The following NCKAP5 variants were observed in gnomAD, a reference collection of about 807,000 sequenced individuals.
NCKAP5 encodes the protein NCK associated protein 5.
In NCKAP5, 92 loss-of-function variants were observed where a neutral mutation model predicts 167.0. The observed-to-expected ratio is 0.55, with a 90% CI of 0.47 to 0.66. The LOEUF (loss-of-function observed/expected upper bound fraction) is 0.66. NCKAP5 is among the 30% of genes least tolerant of loss of function. The pLI is 0.00. For missense variants in NCKAP5, 2,378 were observed against 2,315.0 expected, an observed-to-expected ratio of 1.03 and a Z score of -0.56; for synonymous variants, 891 against 877.4, an observed-to-expected ratio of 1.02 and a Z score of -0.27.
At chr2:133,241,956 A>G (rs1385409665) in intron 4 of NCKAP5, among the ~76,000 whole-genome samples, 6 of 151,974 alleles carry the variant, frequency 3.9e-5, no homozygotes, top group Non-Finnish European at 8.8e-5. Context: ...CATCTCTACT[A>G]AAAATACAAA....
chr2:132,920,759 A>ATG (rs1695316166), intron 8 of NCKAP5, among the ~76,000 whole-genome samples: 1 of 77,642 alleles, frequency 1.3e-5, no homozygotes, highest in African/African-American at 7.8e-5. Flanking sequence ...ATATATATGT[A>ATG]TATATATGTA....
At chr2:133,267,649 G>A (rs892660393) in intron 4 of NCKAP5, among the ~76,000 whole-genome samples, 6 of 151,614 alleles carry the variant, frequency 4.0e-5, no homozygotes, top group South Asian at 2.1e-4. Context: ...TAAAAGATTC[G>A]CATATTTTTT....
At chr2:133,153,331 G>A (rs1453502821) in intron 5 of NCKAP5, among the ~76,000 whole-genome samples, 6 of 152,080 alleles carry the variant, frequency 3.9e-5, no homozygotes, top group African/African-American at 1.4e-4. Flanking sequence ...TGTAACAAAT[G>A]TACCATATTA....
rs187409375 is a variant in NCKAP5 at position 133,280,475 on chromosome 2, C to T, written c.143+22562G>A. ...AGGCTGGAGTGCAGTGGTACGATCT[C>T]GGCTCACCGCAACCTCCACCTCCCA... On this transcript the variant is annotated intron_variant, in intron 4 of 19. Coordinates refer to ENST00000409261, the MANE Select transcript of NCKAP5 (RefSeq NM_207363.3). Among the ~76,000 whole-genome samples, 460 of 151,966 alleles carry T rather than the reference C, an allele frequency of 3.0e-3. 12 individuals carry two copies. The South Asian group carries it at 0.056, about 19-fold the overall frequency.
chr2:133,599,474 A>T, the NCKAP5 span, among the ~76,000 whole-genome samples: 1 of 152,200 alleles, frequency 6.6e-6, no homozygotes, highest in Non-Finnish European at 1.5e-5. Flanking sequence ...TGAGGAATAC[A>T]GGAGTCTGGC....
intron 2 of NCKAP5, among the ~76,000 whole-genome samples, chr2:133,545,539 G>A (rs1165129044): frequency 6.6e-6 from 1 of 152,036 alleles, no homozygotes; most frequent in Non-Finnish European, 1.5e-5. Flanking sequence ...CTGCCTATCT[G>A]CCTGTGGGCT....
At chr2:133,438,255 C>A (rs917942473) in intron 3 of NCKAP5, among the ~76,000 whole-genome samples, 2 of 152,150 alleles carry the variant, frequency 1.3e-5, no homozygotes, top group Admixed American at 6.5e-5. Flanking sequence ...AATGCTCTTG[C>A]CAATGTTGGG....
chr2:133,128,732 G>T (rs1309486558), intron 6 of NCKAP5, among the ~76,000 whole-genome samples: 4 of 151,990 alleles, frequency 2.6e-5, no homozygotes, highest in Non-Finnish European at 4.4e-5. Flanking sequence ...CGAGTAGCTG[G>T]GAATACAGGC....
chr2:132,878,367 T>C (rs1019989307), intron 9 of NCKAP5, among the ~76,000 whole-genome samples: 2 of 151,950 alleles, frequency 1.3e-5, no homozygotes, highest in African/African-American at 2.4e-5. Context: ...CTGATTTTTT[T>C]CCCTCTGGTT....
At chr2:133,221,024 A>C (rs753902042) in intron 4 of NCKAP5, among the ~76,000 whole-genome samples, 5 of 152,184 alleles carry the variant, frequency 3.3e-5, no homozygotes, top group Admixed American at 6.5e-5. Flanking sequence ...CACGGTCACA[A>C]ATACCCTATA....
the NCKAP5 span, among the ~76,000 whole-genome samples, chr2:133,647,831 G>A: frequency 6.6e-6 from 1 of 152,060 alleles, no homozygotes; most frequent in East Asian, 1.9e-4. Flanking sequence ...GGGCAGGGCA[G>A]GGCAGGGCAG....
At chr2:133,198,144 A>G (rs1293070016) in intron 5 of NCKAP5, among the ~76,000 whole-genome samples, 1 of 152,184 alleles carries the variant, frequency 6.6e-6, no homozygotes. Context: ...ATTATCCAAT[A>G]TGTTCAAAAG....
At chr2:132,856,282 T>C (rs1689459778) in intron 11 of NCKAP5, among the ~76,000 whole-genome samples, 2 of 152,036 alleles carry the variant, frequency 1.3e-5, no homozygotes, top group Admixed American at 1.3e-4. Context: ...AAGTGTGCAG[T>C]GTCTTGCCAG....
chr2:133,578,918 C>G, the NCKAP5 span, among the ~76,000 whole-genome samples: 1 of 152,140 alleles, frequency 6.6e-6, no homozygotes, highest in Admixed American at 6.5e-5. Context: ...TCTGGAGAGC[C>G]ACACAATGAG....
At chr2:133,363,558 A>T (rs1685262781) in intron 3 of NCKAP5, among the ~76,000 whole-genome samples, 1 of 152,232 alleles carries the variant, frequency 6.6e-6, no homozygotes, top group South Asian at 2.1e-4. Context: ...ATTGATTACT[A>T]TAGCATAGTG....
intron 8 of NCKAP5, among the ~76,000 whole-genome samples, chr2:132,895,831 A>C (rs1012575887): frequency 1.4e-3 from 209 of 146,016 alleles, no homozygotes; most frequent in Non-Finnish European, 2.3e-3. Flanking sequence ...AAAAAAAAAA[A>C]AACAAAAAAA....
intron 2 of NCKAP5, among the ~76,000 whole-genome samples, chr2:133,552,593 G>T (rs1327175568): frequency 1.6e-5 from 2 of 126,032 alleles, no homozygotes; most frequent in Non-Finnish European, 3.3e-5. Context: ...TGCGGACTGT[G>T]GTGGGGTGGG....
intron 4 of NCKAP5, among the ~76,000 whole-genome samples, chr2:133,223,939 T>A (rs186696392): frequency 1.1e-3 from 163 of 152,266 alleles, no homozygotes; most frequent in African/African-American, 3.5e-3. Flanking sequence ...TTTAAAGAAT[T>A]CAGTGTGTTG....
intron 5 of NCKAP5, among the ~76,000 whole-genome samples, chr2:133,187,061 T>C (rs891912389): frequency 6.6e-6 from 1 of 152,130 alleles, no homozygotes; most frequent in Non-Finnish European, 1.5e-5. Flanking sequence ...TAATTTGAGA[T>C]TTTTCTAACT....
Sources: allele counts gnomAD v4.1 joint callset (sites outside exome capture counted in the v4.1 genomes callset), GRCh38; gene constraint gnomAD v4.1.1; transcripts MANE v1.5; gene names NCBI Gene and HGNC (gene_info 2026-07-23, HGNC 2026-07-21).